The following WIPI2 variants were observed in gnomAD, a reference collection of about 807,000 sequenced individuals.
The protein encoded by WIPI2 is WD repeat domain, phosphoinositide interacting 2, also known as WD repeat domain phosphoinositide-interacting protein 2.
WIPI2 carries 28 observed loss-of-function variants against 52.3 expected under a neutral mutation model. That is an observed-to-expected ratio of 0.54 (90% CI 0.40 to 0.73). WIPI2 has a LOEUF of 0.73. WIPI2 is among the 30% of genes least tolerant of loss of function. WIPI2 has a pLI of 0.00. For synonymous variants in WIPI2, 268 were observed against 245.0 expected (o/e 1.09, Z -0.88); for missense variants, 506 against 602.9 (o/e 0.84, Z 1.68).
At chr7:5,220,940 C>T (rs947534227) in intron 7 of WIPI2, among the ~76,000 whole-genome samples, 4 of 148,504 alleles carry the variant, frequency 2.7e-5, no homozygotes, top group East Asian at 2.0e-4. Flanking sequence ...ACTACAGGTG[C>T]GTGCCACCAC....
In WIPI2 at chr7:5,230,782, G is replaced by A; in HGVS notation, c.1253-53G>A. 1.4e-6 allele frequency: 2 copies of A among 1,408,896 alleles called. No individual in the cohort carries two copies. The highest frequency in any genetic ancestry group is 1.2e-5 in the South Asian group (1 of 82,070). 87.3% of individuals were successfully genotyped at this position (1,408,896 alleles called of 1,614,324 possible). Reference sequence around the variant, plus strand: ...ACACAGTCCTCAGTGTGTGTCATGGGGTCTGTGGTGTGTCCCCAGCCTTTG... The same window carrying A: ...ACACAGTCCTCAGTGTGTGTCATGGAGTCTGTGGTGTGTCCCCAGCCTTTG... On this transcript the variant is annotated intron_variant, in intron 12 of 12. Coordinates refer to ENST00000288828, the MANE Select transcript of WIPI2 (RefSeq NM_015610.4). The surrounding 1 kb of genome is among the most constrained non-coding windows in gnomAD (Gnocchi z 4.8).
rs1489104696 is a variant in WIPI2, at chr7:5,230,655, C to G, written c.1253-180C>G. ...AATGTCAGAGAACAAATGACTTCAT[C>G]TCGAGCTGCCTAAGGCTGCAAAGAG... On this transcript the variant is annotated intron_variant, in intron 12 of 12. Coordinates refer to ENST00000288828, the MANE Select transcript of WIPI2 (RefSeq NM_015610.4). This position sits in a 1 kb window ranked among gnomAD's most constrained non-coding sequence, Gnocchi z 4.8. 6.6e-6 allele frequency among the ~76,000 whole-genome samples: 1 copy of G among 152,220 alleles called. No individual in the cohort carries two copies. The highest frequency in any genetic ancestry group is 1.5e-5 in the Non-Finnish European group (1 of 68,040).
chr7:5,219,516 G>A (rs1782984660), intron 7 of WIPI2, among the ~76,000 whole-genome samples: 4 of 152,074 alleles, frequency 2.6e-5, no homozygotes, highest in Admixed American at 2.6e-4. Flanking sequence ...GCTCTCATCT[G>A]TGGAGTGAGA....
Position 5,227,423 on chromosome 7 carries a change from T to TGGCGGCTTGTGG in WIPI2, c.1013+79_1013+80insGGCGGCTTGTGG. 6.5e-7 allele frequency: 1 copy of TGGCGGCTTGTGG among 1,544,416 alleles called. No individual in the cohort carries two copies. The stretch of plus-strand genomic sequence containing the variant: ...CCCAGTCCTGGCGGCTTGTGGCCCC[T>TGGCGGCTTGTGG]TCCGTGCTTCTGAACAGGAGCAGCT... On this transcript the variant is annotated intron_variant, in intron 10 of 12. Transcript: ENST00000288828. The surrounding 1 kb of genome is among the most constrained non-coding windows in gnomAD (Gnocchi z 8.1).
At position 5,210,999 on chromosome 7, in the gene WIPI2, A is replaced by G. The variant is rs903108086; in HGVS notation, c.212-3536A>G. Among the ~76,000 whole-genome samples, 4 of 152,216 alleles carry G rather than the reference A, an allele frequency of 2.6e-5. No individual in the cohort carries two copies. The East Asian group carries it at 5.8e-4, about 22-fold the overall frequency. Reference sequence around the variant, plus strand: ...CTTGTGCTTAGGGATACTCGACGACACTCAGCACTGTGCCAGGGCCAACAG... The same window carrying G: ...CTTGTGCTTAGGGATACTCGACGACGCTCAGCACTGTGCCAGGGCCAACAG... On this transcript the variant is annotated intron_variant, in intron 3 of 12. Transcript: ENST00000288828.
In WIPI2 at chr7:5,205,136, C is replaced by A. The variant is rs535314778; in HGVS notation, c.211+5478C>A. Reference sequence around the variant, plus strand: ...GATTAGAGGCATGCACCACCACGCCCGGCTACATTTTGTATTTTTAGTAGA... The same window carrying A: ...GATTAGAGGCATGCACCACCACGCCAGGCTACATTTTGTATTTTTAGTAGA... On this transcript the variant is annotated intron_variant, in intron 3 of 12. Transcript: ENST00000288828. 7.2e-5 allele frequency among the ~76,000 whole-genome samples: 11 copies of A among 152,232 alleles called. No homozygotes were observed. In the East Asian group the frequency reaches 2.1e-3, roughly 29 times the overall value.
intron 3 of WIPI2, 102 bp downstream of exon 3, chr7:5,199,760 A>G (rs1781935938): frequency 8.7e-7 from 1 of 1,150,536 alleles, no homozygotes; most frequent in African/African-American, 1.6e-5. Context: ...TGAAGTCCAG[A>G]CACCCTCTTA....
intron 3 of WIPI2, among the ~76,000 whole-genome samples, chr7:5,207,792 G>T (rs1444189987): frequency 7.5e-5 from 6 of 80,308 alleles, no homozygotes; most frequent in South Asian, 4.3e-4. Context: ...TTTTTTTTGA[G>T]AGAGTCTCTG....
intron 7 of WIPI2, among the ~76,000 whole-genome samples, chr7:5,222,393 A>G (rs1038407826): frequency 3.3e-5 from 5 of 152,242 alleles, no homozygotes; most frequent in East Asian, 3.8e-4. Context: ...TAAGTCAACA[A>G]TAGAACAGGG....
At chr7:5,220,045 A>C (rs1242882403) in intron 7 of WIPI2, among the ~76,000 whole-genome samples, 2 of 152,026 alleles carry the variant, frequency 1.3e-5, no homozygotes, top group African/African-American at 2.4e-5. Context: ...CCTGTTGGCC[A>C]GGCTGGTTTC....
At position 5,217,070 on chromosome 7, in the gene WIPI2, C is replaced by T. The variant is rs775071366; in HGVS notation, c.479-20C>T. ...TCTCAGGTGGAAGTTTGCATCTCGT[C>T]CTCCGTGTGTCATTTGCAGGCCTGT... On this transcript the variant is annotated intron_variant, in intron 5 of 12. Coordinates refer to ENST00000288828, the MANE Select transcript of WIPI2 (RefSeq NM_015610.4). 2.5e-6 allele frequency: 4 copies of T among 1,597,264 alleles called. No homozygotes were observed. The highest frequency in any genetic ancestry group is 1.7e-5 in the Admixed American group (1 of 59,276).
In WIPI2 at chr7:5,227,258, A is replaced by T; in HGVS notation, c.927A>T (p.Gln309His). 3 of 1,613,862 alleles carry T rather than the reference A, an allele frequency of 1.9e-6. No homozygotes were observed. The highest frequency in any genetic ancestry group is 2.5e-6 in the Non-Finnish European group (3 of 1,180,014). Residue 309 changes from glutamine (Q) to histidine (H), a missense_variant, in exon 10 of 13, where the codon CAA (glutamine) becomes CAT (histidine). Gln to His is a conservative substitution (Grantham distance 24). Coordinates refer to ENST00000288828, the MANE Select transcript of WIPI2 (RefSeq NM_015610.4). The surrounding 1 kb of genome is among the most constrained non-coding windows in gnomAD (Gnocchi z 8.1). ...CCTCCACCAGCTACCTGCCTTCCCA[A>T]GTGACAGAAATGTTCAACCAGGGCA... Reference protein sequence around the residue: ...LMASTSYLPSQVTEMFNQGRA... With the variant: ...LMASTSYLPSHVTEMFNQGRA...
chr7:5,227,425 C>A lies in WIPI2; in HGVS notation c.1013+81C>A. 1.3e-6 allele frequency: 2 copies of A among 1,540,586 alleles called. No homozygotes were observed. Among genetic ancestry groups the A allele is most frequent in the Non-Finnish European group, 8.7e-7 (1 of 1,146,632 alleles). ...CAGTCCTGGCGGCTTGTGGCCCCTT[C>A]CGTGCTTCTGAACAGGAGCAGCTTC... On this transcript the variant is annotated intron_variant, in intron 10 of 12. Coordinates refer to ENST00000288828, the MANE Select transcript of WIPI2 (RefSeq NM_015610.4). The surrounding 1 kb of genome is among the most constrained non-coding windows in gnomAD (Gnocchi z 8.1).
In WIPI2 at chr7:5,190,264, A is replaced by T; in HGVS notation, c.-156A>T. ...GGTGCCCCGGCTCTGGAGCATAAAC[A>T]AGAGCGGGGACGGGATGAGGCGGCG... is the stretch of plus-strand genomic sequence containing the variant. On this transcript the variant is annotated 5_prime_UTR_variant, in exon 1 of 13. Transcript: ENST00000288828. The T allele has an allele frequency of 2.7e-6, 1 of 369,052 alleles. No homozygotes were observed. The highest frequency in any genetic ancestry group is 4.4e-6 in the Non-Finnish European group (1 of 225,584). The allele number at this position is 369,052 out of a possible 1,614,324, so 22.9% of individuals were successfully genotyped here.
intron 6 of WIPI2, chr7:5,217,494 GC>G (rs1782877112): frequency 2.5e-6 from 1 of 400,550 alleles, no homozygotes; most frequent in Middle Eastern, 8.0e-4. Context: ...ATGGAGTCTT[GC>G]TGGGTTGCCC....
chr7:5,220,944 C>A lies in WIPI2; in HGVS notation c.670-1658C>A, dbSNP rs1053041109. 3.3e-5 allele frequency among the ~76,000 whole-genome samples: 5 copies of A among 149,264 alleles called. 1 individual carries two copies. The highest frequency in any genetic ancestry group is 1.2e-4 in the African/African-American group (5 of 40,592). On this transcript the variant is annotated intron_variant, in intron 7 of 12. Coordinates refer to ENST00000288828, the MANE Select transcript of WIPI2 (RefSeq NM_015610.4). ...AACTAGCTGGGACTACAGGTGCGTG[C>A]CACCACACCCACCTAATTTTTTTTT... is the stretch of plus-strand genomic sequence containing the variant.
intron 3 of WIPI2, among the ~76,000 whole-genome samples, chr7:5,204,121 C>T (rs1410053899): frequency 6.6e-6 from 1 of 152,182 alleles, no homozygotes; most frequent in East Asian, 1.9e-4. Context: ...CTTCAGTTTA[C>T]TGGAAAGTGA....
rs6949942 is a variant in WIPI2, at chr7:5,233,296, C to T, written c.*2349C>T. On this transcript the variant is annotated 3_prime_UTR_variant, in exon 13 of 13. Coordinates refer to ENST00000288828, the MANE Select transcript of WIPI2 (RefSeq NM_015610.4). ...AACCTATGAGTCCCAGCCTCACTGG[C>T]GGCCTCAGACATGCTCAGGAGTGAC... 24,542 of 152,066 alleles carry T rather than the reference C, an allele frequency of 0.16. 2,070 individuals are homozygous for T. The highest frequency in any genetic ancestry group is 0.29 in the East Asian group (1,522 of 5,164). 9.4% of individuals were successfully genotyped at this position (152,066 alleles called of 1,614,324 possible).
chr7:5,198,963 C>T (rs771833062), intron 2 of WIPI2, among the ~76,000 whole-genome samples: 1 of 152,182 alleles, frequency 6.6e-6, no homozygotes, highest in Non-Finnish European at 1.5e-5. Flanking sequence ...TTCAAGCACA[C>T]AATACCTTAT....
Sources: allele counts gnomAD v4.1 joint callset (sites outside exome capture counted in the v4.1 genomes callset), GRCh38; gene constraint gnomAD v4.1.1; non-coding constraint Gnocchi (gnomAD v3.1); transcripts MANE v1.5; gene names NCBI Gene and HGNC (gene_info 2026-07-23, HGNC 2026-07-21).